CNOT4: variants seen among roughly 807,000 people sequenced by gnomAD.
The protein encoded by CNOT4 is CCR4-associated factor 4.
In CNOT4, 8 loss-of-function variants were observed where a neutral mutation model predicts 73.8. The observed-to-expected ratio is 0.11, with a 90% CI of 0.06 to 0.20. CNOT4 has a LOEUF of 0.20. Ranked by LOEUF, CNOT4 falls within the 10% of genes least tolerant of loss-of-function variation. CNOT4 has a pLI of 1.00. For missense variants in CNOT4, 564 were observed against 883.4 expected (o/e 0.64, Z 4.58); for synonymous variants, 293 against 321.1 (o/e 0.91, Z 0.94).
chr7:135,453,821 A>G (rs1800332108), intron 1 of CNOT4, among the ~76,000 whole-genome samples: 1 of 88,592 alleles, frequency 1.1e-5, no homozygotes, highest in South Asian at 3.5e-4. Context: ...ATAAATATAT[A>G]TATTTTATAT....
At chr7:135,374,403 C>T (rs921362574) in intron 10 of CNOT4, among the ~76,000 whole-genome samples, 8 of 150,192 alleles carry the variant, frequency 5.3e-5, no homozygotes, top group Admixed American at 3.3e-4. Context: ...CTGATGATTC[C>T]CTTTTGGGAT....
chr7:135,406,277 T>G (rs1279954128), intron 7 of CNOT4, among the ~76,000 whole-genome samples: 1 of 151,036 alleles, frequency 6.6e-6, no homozygotes, highest in Non-Finnish European at 1.5e-5. Flanking sequence ...GGTAACCGCA[T>G]TAAAACAGAA....
chr7:135,408,505 A>G (rs141897714), intron 7 of CNOT4, among the ~76,000 whole-genome samples: 33 of 152,336 alleles, frequency 2.2e-4, no homozygotes, highest in African/African-American at 7.7e-4. Context: ...TTTACATTTT[A>G]CAATAATTTG....
chr7:135,497,216 C>T (rs768975535), intron 1 of CNOT4, among the ~76,000 whole-genome samples: 7 of 151,698 alleles, frequency 4.6e-5, no homozygotes, highest in African/African-American at 7.3e-5. Flanking sequence ...AAGACCAGCC[C>T]GGCCAACACA....
Position 135,363,948 on chromosome 7 carries a change from G to A in CNOT4, c.1746C>T (p.Asn582=), listed in dbSNP as rs1254714614. 8 of 1,598,484 alleles carry A rather than the reference G, an allele frequency of 5.0e-6. No individual in the cohort carries two copies. Among genetic ancestry groups the A allele is most frequent in the Admixed American group, 1.7e-5 (1 of 59,984 alleles). ...GGLPNSSSPS[N]ANHSAPTSNT... is the part of the protein sequence containing the mutation. ...TGGACGTTGGTGCACTGTGGTTGGC[G>A]TTGGAGGGGGAAGAAGAATTGGGCA... Residue 582 remains asparagine (N), a synonymous_variant, in exon 11 of 12, where the codon AAC becomes AAT. Coordinates refer to ENST00000541284, the MANE Select transcript of CNOT4 (RefSeq NM_001190850.2). The surrounding 1 kb of genome is among the most constrained non-coding windows in gnomAD (Gnocchi z 4.3).
At chr7:135,451,796 G>A (rs968253329) in intron 1 of CNOT4, among the ~76,000 whole-genome samples, 9 of 152,122 alleles carry the variant, frequency 5.9e-5, no homozygotes, top group Non-Finnish European at 1.5e-5. Flanking sequence ...TTCTATAATA[G>A]CAATTAATTT....
intron 2 of CNOT4, among the ~76,000 whole-genome samples, chr7:135,425,414 A>C (rs1424833525): frequency 1.3e-5 from 2 of 152,144 alleles, no homozygotes; most frequent in East Asian, 3.8e-4. Flanking sequence ...TGCAATATCA[A>C]CTCTTATCAA....
intron 1 of CNOT4, among the ~76,000 whole-genome samples, chr7:135,454,144 T>G (rs1177583835): frequency 6.6e-6 from 1 of 151,818 alleles, no homozygotes. Flanking sequence ...GTTTTAACAT[T>G]TGTTCCTCTC....
rs747495864 is a variant in CNOT4, at chr7:135,410,589, G to C, written c.747C>G (p.Pro249=). 1.3e-6 allele frequency: 2 copies of C among 1,592,022 alleles called. No individual in the cohort carries two copies. The highest frequency in any genetic ancestry group is 2.7e-5 in the African/African-American group (2 of 73,798). ...AACCCGTAGATAGCTGAAGAAAATT[G>C]GGATTTAATTTATATAATTCTTGAA... is the stretch of plus-strand genomic sequence containing the variant. ...KLLQELYKLN[P]NFLQLSTGSV... Residue 249 remains proline (P), a synonymous_variant, in exon 7 of 12, where the codon CCC becomes CCG. Coordinates refer to ENST00000541284, the MANE Select transcript of CNOT4 (RefSeq NM_001190850.2).
intron 1 of CNOT4, among the ~76,000 whole-genome samples, chr7:135,472,471 C>G (rs1447635559): frequency 6.7e-5 from 4 of 59,872 alleles, no homozygotes; most frequent in Non-Finnish European, 1.1e-4. Flanking sequence ...AGCGAGACAC[C>G]GACTCAAAAA....
intron 2 of CNOT4, among the ~76,000 whole-genome samples, chr7:135,426,860 T>C (rs926425600): frequency 6.7e-5 from 10 of 150,076 alleles, no homozygotes; most frequent in African/African-American, 9.8e-5. Context: ...GAGATGGAGG[T>C]TGCAGTGAGT....
At chr7:135,427,762 AT>A (rs201028406) in intron 2 of CNOT4, among the ~76,000 whole-genome samples, 3,055 of 151,506 alleles carry the variant, frequency 0.02, 107 homozygotes, top group African/African-American at 0.07. Flanking sequence ...CAACATAAAA[AT>A]TTTTTTTTTC....
rs1481301282 is a variant in CNOT4, at chr7:135,438,412, G to A, written c.-81C>T. ...TTCAGCACTGAAAGCTAAAATGTAG[G>A]ACTTTGACGACCTGCATGAGAAGAA... On this transcript the variant is annotated 5_prime_UTR_variant, in exon 2 of 12. Transcript: ENST00000541284. 2.6e-6 allele frequency: 3 copies of A among 1,142,448 alleles called. No homozygotes were observed. The highest frequency in any genetic ancestry group is 3.6e-6 in the Non-Finnish European group (3 of 831,646). The allele number at this position is 1,142,448 out of a possible 1,614,324, so 70.8% of individuals were successfully genotyped here.
chr7:135,378,529 A>AC (rs1429764002), intron 10 of CNOT4, among the ~76,000 whole-genome samples: 1 of 152,042 alleles, frequency 6.6e-6, no homozygotes, highest in African/African-American at 2.4e-5. Context: ...AAAAAAAAAA[A>AC]AACAAGAATA....
chr7:135,467,868 C>G (rs1051561837), intron 1 of CNOT4, among the ~76,000 whole-genome samples: 7 of 152,134 alleles, frequency 4.6e-5, no homozygotes, highest in African/African-American at 1.4e-4. Context: ...AAGCACACTT[C>G]TTCATTTCTT....
Position 135,362,011 on chromosome 7 carries a change from T to G in CNOT4, c.*874A>C, listed in dbSNP as rs1794672429. 6.6e-6 allele frequency: 1 copy of G among 152,670 alleles called. No homozygotes were observed. The highest frequency in any genetic ancestry group is 1.5e-5 in the Non-Finnish European group (1 of 68,064). The allele number at this position is 152,670 out of a possible 1,614,324, so 9.5% of individuals were successfully genotyped here. On this transcript the variant is annotated 3_prime_UTR_variant, in exon 12 of 12. Transcript: ENST00000541284. ...AGATTTGCTCCCGATGGTGATCAGA[T>G]GGCCCCAGAGCAGTGCTATCTCAGA...
intron 1 of CNOT4, among the ~76,000 whole-genome samples, chr7:135,485,029 G>A (rs572651837): frequency 2.0e-5 from 3 of 152,252 alleles, no homozygotes; most frequent in East Asian, 1.9e-4. Context: ...CCAAATTGAT[G>A]TATAGTATAA....
At chr7:135,373,429 A>T (rs928496729) in intron 10 of CNOT4, among the ~76,000 whole-genome samples, 10 of 152,254 alleles carry the variant, frequency 6.6e-5, no homozygotes, top group Non-Finnish European at 1.5e-4. Context: ...CATCTACTCA[A>T]TTCAAATGAG....
At chr7:135,375,163 T>A (rs1318295722) in intron 10 of CNOT4, among the ~76,000 whole-genome samples, 4 of 152,208 alleles carry the variant, frequency 2.6e-5, no homozygotes, top group Non-Finnish European at 4.4e-5. Context: ...TCTGATCATA[T>A]GTGGATTATT....
Sources: allele counts gnomAD v4.1 joint callset (sites outside exome capture counted in the v4.1 genomes callset), GRCh38; gene constraint gnomAD v4.1.1; non-coding constraint Gnocchi (gnomAD v3.1); transcripts MANE v1.5; gene names NCBI Gene and HGNC (gene_info 2026-07-23, HGNC 2026-07-21).